NTRK3: variants seen among roughly 807,000 people sequenced by gnomAD.
The protein encoded by NTRK3 is neurotrophic receptor tyrosine kinase 3.
Under a neutral mutation model 91.7 loss-of-function variants are expected in NTRK3, and 24 were observed. That is an observed-to-expected ratio of 0.26 (90% CI 0.19 to 0.37). The LOEUF is 0.37. NTRK3 is among the 10% of genes least tolerant of loss of function. The pLI is 1.00. For missense variants in NTRK3, 880 were observed against 1,068.9 expected (o/e 0.82, Z 2.46); for synonymous variants, 483 against 404.0 (o/e 1.20, Z -2.34).
chr15:87,982,693 C>T (rs1276600539), intron 14 of NTRK3, among the ~76,000 whole-genome samples: 1 of 152,174 alleles, frequency 6.6e-6, no homozygotes, highest in East Asian at 1.9e-4. Context: ...GGTTCTGGAG[C>T]CAATCCTATT....
intron 14 of NTRK3, among the ~76,000 whole-genome samples, chr15:88,016,158 G>T (rs1457231332): frequency 6.6e-6 from 1 of 152,008 alleles, no homozygotes; most frequent in Non-Finnish European, 1.5e-5. Context: ...CACTTTTCTG[G>T]ATTTTCCTCA....
rs2064895652 is a variant in NTRK3, at chr15:87,874,316, G to T, written c.*2619C>A. On this transcript the variant is annotated 3_prime_UTR_variant, in exon 19 of 19. Coordinates refer to ENST00000394480, the Ensembl canonical transcript of NTRK3. Reference sequence around the variant, plus strand: ...CTCTGGCACTCTTCCACAGCCAGCTGCTTACAATGGACACAGTAAGAACAT... The same window carrying T: ...CTCTGGCACTCTTCCACAGCCAGCTTCTTACAATGGACACAGTAAGAACAT... 9 of 49,692 alleles carry T rather than the reference G, an allele frequency of 1.8e-4. No homozygotes were observed. The South Asian group carries it at 5.0e-3, about 28-fold the overall frequency. The allele number at this position is 49,692 out of a possible 1,614,324, so 3.1% of individuals were successfully genotyped here.
chr15:88,246,977 C>T (rs905177047), intron 3 of NTRK3, among the ~76,000 whole-genome samples: 2 of 152,234 alleles, frequency 1.3e-5, no homozygotes, highest in Admixed American at 6.5e-5. Context: ...AGGACCGTCT[C>T]GTGCGCCACA....
chr15:88,124,420 T>G (rs1278479096), intron 13 of NTRK3, among the ~76,000 whole-genome samples: 1 of 152,156 alleles, frequency 6.6e-6, no homozygotes, highest in East Asian at 1.9e-4. Context: ...AGAAACAGGA[T>G]GACAATTAAT....
Position 88,001,215 on chromosome 15 carries a change from G to C in NTRK3, c.1585+31642C>G, listed in dbSNP as rs371180248. On this transcript the variant is annotated intron_variant, in intron 14 of 18. Transcript: ENST00000394480. ...GTTGTCTTTTTATTGAGTTGTAAGT[G>C]TTCTTTATATATTCTGGATACTACT... 1.7e-3 allele frequency among the ~76,000 whole-genome samples: 265 copies of C among 152,162 alleles called. 7 individuals carry two copies. In the South Asian group the frequency reaches 0.052, roughly 30 times the overall value.
intron 3 of NTRK3, among the ~76,000 whole-genome samples, chr15:88,198,737 T>C (rs2048042689): frequency 1.3e-5 from 2 of 152,190 alleles, no homozygotes; most frequent in Admixed American, 6.5e-5. Context: ...TCCCAGAAGC[T>C]TCTCCTTGAA....
At chr15:88,158,018 C>A (rs1991284) in intron 5 of NTRK3, among the ~76,000 whole-genome samples, 1 of 152,036 alleles carries the variant, frequency 6.6e-6, no homozygotes, top group African/African-American at 2.4e-5. Context: ...CTCACGGGCC[C>A]GGGTGCCGGT....
chr15:87,944,967 G>A (rs2070303999), intron 14 of NTRK3, among the ~76,000 whole-genome samples: 1 of 152,200 alleles, frequency 6.6e-6, no homozygotes, highest in African/African-American at 2.4e-5. Flanking sequence ...TGAACTACAG[G>A]CCAAAAAGTG....
Position 88,060,042 on chromosome 15 carries a change from T to A in NTRK3, c.1397-26997A>T, listed in dbSNP as rs142317540. ...TAAAGCCACCGAGTCTGGAAGGTCA[T>A]GGAAGCCTCCTCACGGAGGTGACAT... On this transcript the variant is annotated intron_variant, in intron 13 of 18. Transcript: ENST00000394480. 1.7e-4 allele frequency among the ~76,000 whole-genome samples: 26 copies of A among 152,200 alleles called. No individual in the cohort carries two copies. The East Asian group carries it at 5.1e-3, about 30-fold the overall frequency.
At chr15:87,869,013 T>C (rs898230045) in exon 19 of NTRK3, 1 of 228,802 alleles carries the variant, frequency 4.4e-6, no homozygotes, top group African/African-American at 2.2e-5. Context: ...TAGGACACAC[T>C]AATTCCTTTT....
At chr15:87,994,343 G>T (rs1224349894) in intron 14 of NTRK3, among the ~76,000 whole-genome samples, 2 of 152,180 alleles carry the variant, frequency 1.3e-5, no homozygotes, top group African/African-American at 4.8e-5. Context: ...GAAGTCACTA[G>T]GATGGGCCCT....
chr15:87,892,522 G>T (rs1010540579), intron 17 of NTRK3, among the ~76,000 whole-genome samples: 1 of 152,022 alleles, frequency 6.6e-6, no homozygotes, highest in African/African-American at 2.4e-5. Flanking sequence ...AATATGAGAT[G>T]CATTTCCATT....
At chr15:88,072,008 T>A (rs1459767476) in intron 13 of NTRK3, among the ~76,000 whole-genome samples, 1 of 150,396 alleles carries the variant, frequency 6.6e-6, no homozygotes, top group Non-Finnish European at 1.5e-5. Flanking sequence ...AAACATCTTT[T>A]TTTTTTTTTT....
chr15:88,206,680 A>C (rs2048820962), intron 3 of NTRK3, among the ~76,000 whole-genome samples: 1 of 148,812 alleles, frequency 6.7e-6, no homozygotes, highest in Admixed American at 6.7e-5. Context: ...AAAAAAAACA[A>C]ACCTCTCCAG....
At chr15:88,128,756 A>T in intron 10 of NTRK3, 22 bp from the exon 11 acceptor site, 1 of 1,611,850 alleles carries the variant, frequency 6.2e-7, no homozygotes. Flanking sequence ...GGACAAAGAG[A>T]TAATTAACAA....
At chr15:87,945,220 C>T (rs2142059777) in intron 14 of NTRK3, among the ~76,000 whole-genome samples, 1 of 152,344 alleles carries the variant, frequency 6.6e-6, no homozygotes, top group African/African-American at 2.4e-5. Context: ...TTCCTGGGAC[C>T]TTCTGGCCTG....
intron 5 of NTRK3, among the ~76,000 whole-genome samples, chr15:88,159,007 G>T (rs1324952023): frequency 2.6e-5 from 4 of 152,248 alleles, no homozygotes; most frequent in African/African-American, 9.6e-5. Context: ...AGGTACAGCT[G>T]CAGGCCAAGC....
At chr15:88,189,014 T>C (rs1444198113) in intron 3 of NTRK3, among the ~76,000 whole-genome samples, 1 of 152,186 alleles carries the variant, frequency 6.6e-6, no homozygotes, top group Non-Finnish European at 1.5e-5. Flanking sequence ...CAAGAGCTAG[T>C]TGGGCACCAC....
intron 5 of NTRK3, among the ~76,000 whole-genome samples, chr15:88,171,586 C>T (rs1391303867): frequency 6.6e-6 from 1 of 152,178 alleles, no homozygotes; most frequent in Non-Finnish European, 1.5e-5. Context: ...TTACTGAGTA[C>T]CTACCATGTG....
Sources: allele counts gnomAD v4.1 joint callset (sites outside exome capture counted in the v4.1 genomes callset), GRCh38; gene constraint gnomAD v4.1.1; transcripts MANE v1.5; gene names NCBI Gene and HGNC (gene_info 2026-07-23, HGNC 2026-07-21).